The following ZNF423 variants were observed in gnomAD, a reference collection of about 807,000 sequenced individuals.
ZNF423 encodes the protein Ebf-associated zinc finger protein.
Under a neutral mutation model 95.8 loss-of-function variants are expected in ZNF423, and 12 were observed. The ratio of observed to expected loss-of-function variants is 0.13; its 90% CI spans 0.08 to 0.20. ZNF423 has a LOEUF of 0.20. Ranked by LOEUF, ZNF423 falls within the 10% of genes least tolerant of loss-of-function variation. The probability of loss-of-function intolerance (pLI) is 1.00; values close to 1 mark genes in which losing one functional copy is unlikely to be tolerated. For synonymous variants in ZNF423, 749 were observed against 711.9 expected (o/e 1.05, Z -0.83); for missense variants, 1,316 against 1,737.1 (o/e 0.76, Z 4.31).
intron 2 of ZNF423, among the ~76,000 whole-genome samples, chr16:49,772,918 C>T (rs1450676200): frequency 1.3e-5 from 2 of 152,130 alleles, no homozygotes; most frequent in African/African-American, 2.4e-5. Context: ...GCTGGGGAGG[C>T]CTCAGAAAAT....
intron 3 of ZNF423, 154 bp downstream of exon 3, chr16:49,730,617 G>A (rs1346801171): frequency 3.9e-6 from 3 of 763,222 alleles, no homozygotes; most frequent in African/African-American, 3.5e-5. Context: ...GTATTTAAAA[G>A]GCGGATACAG....
chr16:49,764,291 C>A (rs2033886580), intron 2 of ZNF423, among the ~76,000 whole-genome samples: 1 of 152,192 alleles, frequency 6.6e-6, no homozygotes, highest in Non-Finnish European at 1.5e-5. Context: ...CTCACCCCAC[C>A]ATTCCTGAAC....
intron 2 of ZNF423, among the ~76,000 whole-genome samples, chr16:49,785,715 C>A (rs74018937): frequency 0.017 from 2,582 of 152,342 alleles, 70 homozygotes; most frequent in African/African-American, 0.06. Flanking sequence ...GTCTGTGTCA[C>A]CATCCACCAC....
intron 3 of ZNF423, among the ~76,000 whole-genome samples, chr16:49,661,023 C>G (rs928219386): frequency 1.9e-4 from 29 of 152,228 alleles, no homozygotes; most frequent in Non-Finnish European, 3.7e-4. Context: ...GCGTTCAAGA[C>G]CAGCCTGGCC....
intron 3 of ZNF423, among the ~76,000 whole-genome samples, chr16:49,651,969 T>C (rs1010134688): frequency 1.3e-5 from 2 of 152,202 alleles, no homozygotes; most frequent in Non-Finnish European, 2.9e-5. Flanking sequence ...AGAGGGCCCC[T>C]GCCATTTACA....
intron 2 of ZNF423, among the ~76,000 whole-genome samples, chr16:49,754,029 C>CAAAAAAA (rs35566540): frequency 1.1e-5 from 1 of 91,730 alleles, no homozygotes; most frequent in Non-Finnish European, 2.4e-5. Flanking sequence ...AAGACTCCGT[C>CAAAAAAA]AAAAAAAAAA....
chr16:49,691,507 C>T (rs1448807074), intron 3 of ZNF423, among the ~76,000 whole-genome samples: 4 of 152,110 alleles, frequency 2.6e-5, no homozygotes, highest in South Asian at 2.1e-4. Context: ...CCTAGGCGGG[C>T]GGATCACGAG....
At chr16:49,756,183 G>A (rs927007134) in intron 2 of ZNF423, among the ~76,000 whole-genome samples, 3 of 152,074 alleles carry the variant, frequency 2.0e-5, no homozygotes, top group Non-Finnish European at 4.4e-5. Flanking sequence ...TTTTCAAAAC[G>A]GACTTGCTGT....
At chr16:49,778,725 C>T (rs906403443) in intron 2 of ZNF423, among the ~76,000 whole-genome samples, 2 of 152,216 alleles carry the variant, frequency 1.3e-5, no homozygotes, top group Non-Finnish European at 2.9e-5. Flanking sequence ...GAAGCTGTGA[C>T]GATGTGACGA....
chr16:49,747,133 G>T (rs1043085242), intron 2 of ZNF423, among the ~76,000 whole-genome samples: 1 of 152,130 alleles, frequency 6.6e-6, no homozygotes, highest in Non-Finnish European at 1.5e-5. Context: ...GTGAAAGTCC[G>T]CCGTGAGAGT....
At chr16:49,677,910 C>A (rs2031187253) in intron 3 of ZNF423, among the ~76,000 whole-genome samples, 1 of 152,094 alleles carries the variant, frequency 6.6e-6, no homozygotes, top group Non-Finnish European at 1.5e-5. Flanking sequence ...TGGCCAGGCG[C>A]AGTGGCTCAC....
At chr16:49,625,626 G>T (rs1412968800) in intron 5 of ZNF423, among the ~76,000 whole-genome samples, 1 of 152,178 alleles carries the variant, frequency 6.6e-6, no homozygotes. Flanking sequence ...AGGTAGAGGG[G>T]ACTTCACAGC....
intron 7 of ZNF423, among the ~76,000 whole-genome samples, chr16:49,521,061 A>G (rs1221948383): frequency 1.3e-5 from 2 of 152,184 alleles, no homozygotes; most frequent in Non-Finnish European, 2.9e-5. Flanking sequence ...AGTGTGGCCC[A>G]CAGCTCGAGA....
chr16:49,830,051 A>C (rs1281206655), intron 1 of ZNF423, among the ~76,000 whole-genome samples: 1 of 152,192 alleles, frequency 6.6e-6, no homozygotes, highest in East Asian at 1.9e-4. Flanking sequence ...AAGTGAATAC[A>C]TCAATAAATT....
At chr16:49,766,623 GGCCTGA>G (rs769813023) in intron 2 of ZNF423, among the ~76,000 whole-genome samples, 4 of 152,212 alleles carry the variant, frequency 2.6e-5, no homozygotes, top group African/African-American at 4.8e-5. Context: ...AAACACTACA[GGCCTGA>G]GCCTGAGCCT....
At chr16:49,565,593 C>T (rs1015430511) in intron 5 of ZNF423, among the ~76,000 whole-genome samples, 2 of 152,172 alleles carry the variant, frequency 1.3e-5, no homozygotes, top group African/African-American at 2.4e-5. Flanking sequence ...TCAGAACCAA[C>T]GAGGACCTGG....
chr16:49,508,658 T>C (rs531000235), intron 7 of ZNF423, among the ~76,000 whole-genome samples: 7 of 152,228 alleles, frequency 4.6e-5, no homozygotes, highest in South Asian at 2.1e-4. Context: ...CTTCTCCTTG[T>C]GCGTCCCTTC....
chr16:49,497,339 G>A (rs1266746663), intron 7 of ZNF423, among the ~76,000 whole-genome samples: 2 of 152,216 alleles, frequency 1.3e-5, no homozygotes, highest in African/African-American at 4.8e-5. Context: ...AGAAGCTCCA[G>A]CGCCCTCCCG....
intron 5 of ZNF423, among the ~76,000 whole-genome samples, chr16:49,577,972 A>G (rs1038448665): frequency 7.9e-5 from 12 of 152,234 alleles, no homozygotes; most frequent in Admixed American, 6.5e-4. Context: ...GCAGGCACAC[A>G]CTGTGGGCAG....
Sources: allele counts gnomAD v4.1 joint callset (sites outside exome capture counted in the v4.1 genomes callset), GRCh38; gene constraint gnomAD v4.1.1; transcripts MANE v1.5; gene names NCBI Gene and HGNC (gene_info 2026-07-23, HGNC 2026-07-21).